The following CACNA2D3 variants were observed in gnomAD, a reference collection of about 807,000 sequenced individuals.
CACNA2D3 encodes calcium voltage-gated channel auxiliary subunit alpha2delta 3, also known as voltage-dependent calcium channel subunit alpha-2/delta-3.
Under a neutral mutation model 160.6 loss-of-function variants are expected in CACNA2D3, and 60 were observed. The ratio of observed to expected loss-of-function variants is 0.37; its 90% CI spans 0.30 to 0.46. CACNA2D3 has a LOEUF of 0.46. Among genes scored for constraint, CACNA2D3 ranks in the 20% least tolerant of loss-of-function variants. CACNA2D3 has a pLI of 1.00. For missense variants in CACNA2D3, 1,205 were observed against 1,365.0 expected (o/e 0.88, Z 1.85); for synonymous variants, 558 against 492.9 (o/e 1.13, Z -1.75).
At chr3:54,975,854 T>C (rs905013450) in intron 29 of CACNA2D3, among the ~76,000 whole-genome samples, 1 of 152,006 alleles carries the variant, frequency 6.6e-6, no homozygotes, top group Non-Finnish European at 1.5e-5. Context: ...ATAATTGGGG[T>C]TGATACCACT....
intron 2 of CACNA2D3, among the ~76,000 whole-genome samples, chr3:54,174,615 C>T (rs771932920): frequency 6.6e-6 from 1 of 152,204 alleles, no homozygotes; most frequent in Non-Finnish European, 1.5e-5. Context: ...AGCTCCGCCT[C>T]CCGGGTTCGC....
At chr3:54,970,474 A>T (rs1454763405) in intron 29 of CACNA2D3, among the ~76,000 whole-genome samples, 1 of 13,016 alleles carries the variant, frequency 7.7e-5, no homozygotes, top group Admixed American at 1.0e-3. Flanking sequence ...TCCGTTCCTC[A>T]CCCCTCTCCT....
chr3:54,164,577 C>T (rs1188713820), intron 2 of CACNA2D3, among the ~76,000 whole-genome samples: 1 of 152,232 alleles, frequency 6.6e-6, no homozygotes, highest in Non-Finnish European at 1.5e-5. Context: ...ACCTTTTCCT[C>T]TGATCCCTTT....
At chr3:54,535,975 A>C (rs916498961) in intron 5 of CACNA2D3, among the ~76,000 whole-genome samples, 1 of 152,246 alleles carries the variant, frequency 6.6e-6, no homozygotes, top group African/African-American at 2.4e-5. Flanking sequence ...TATCTGTTGG[A>C]AAATTAGAAG....
At chr3:54,820,803 T>A (rs1703572996) in intron 14 of CACNA2D3, among the ~76,000 whole-genome samples, 1 of 152,188 alleles carries the variant, frequency 6.6e-6, no homozygotes, top group African/African-American at 2.4e-5. Flanking sequence ...GATTTTATGA[T>A]AATAACATAG....
At chr3:54,681,207 C>T (rs1410917656) in intron 11 of CACNA2D3, among the ~76,000 whole-genome samples, 1 of 150,830 alleles carries the variant, frequency 6.6e-6, no homozygotes, top group African/African-American at 2.4e-5. Flanking sequence ...TCTATTATAC[C>T]ATGTCATCAT....
intron 2 of CACNA2D3, among the ~76,000 whole-genome samples, chr3:54,131,564 G>A (rs1301388706): frequency 6.6e-6 from 1 of 152,188 alleles, no homozygotes; most frequent in Admixed American, 6.5e-5. Flanking sequence ...GTGGCACCTG[G>A]GAAGCCTTGG....
chr3:54,856,023 C>T (rs1435053626), intron 17 of CACNA2D3, among the ~76,000 whole-genome samples: 1 of 152,156 alleles, frequency 6.6e-6, no homozygotes, highest in Non-Finnish European at 1.5e-5. Flanking sequence ...AGTCTGGGCT[C>T]CCCACGACAT....
At chr3:54,856,073 A>G (rs1028486029) in intron 17 of CACNA2D3, among the ~76,000 whole-genome samples, 2 of 152,232 alleles carry the variant, frequency 1.3e-5, no homozygotes, top group East Asian at 1.9e-4. Context: ...CTGTGCTGCA[A>G]GTAGCATGAA....
chr3:54,251,568 T>C (rs1269835629), intron 2 of CACNA2D3, among the ~76,000 whole-genome samples: 1 of 152,226 alleles, frequency 6.6e-6, no homozygotes, highest in African/African-American at 2.4e-5. Flanking sequence ...AGTGGGAATC[T>C]GAAATGTCAA....
intron 4 of CACNA2D3, among the ~76,000 whole-genome samples, chr3:54,460,718 C>A (rs370104028): frequency 6.6e-6 from 1 of 152,160 alleles, no homozygotes; most frequent in East Asian, 1.9e-4. Context: ...ATGTCATCTG[C>A]AAACAGGGAC....
chr3:54,862,080 C>G (rs1699303253), intron 17 of CACNA2D3, among the ~76,000 whole-genome samples: 1 of 152,104 alleles, frequency 6.6e-6, no homozygotes. Flanking sequence ...CAAGAACCAG[C>G]TCAGTTTGGT....
At chr3:54,596,453 G>A (rs1270986505) in intron 9 of CACNA2D3, among the ~76,000 whole-genome samples, 1 of 152,050 alleles carries the variant, frequency 6.6e-6, no homozygotes, top group Admixed American at 6.5e-5. Flanking sequence ...GTACCTAGAA[G>A]GGGATACATC....
intron 4 of CACNA2D3, among the ~76,000 whole-genome samples, chr3:54,467,145 A>G (rs1458455751): frequency 6.6e-6 from 1 of 151,462 alleles, no homozygotes; most frequent in Non-Finnish European, 1.5e-5. Flanking sequence ...GATACACATC[A>G]TTGCGTCAGA....
At chr3:54,590,092 G>T (rs1038918866) in intron 9 of CACNA2D3, among the ~76,000 whole-genome samples, 2 of 152,092 alleles carry the variant, frequency 1.3e-5, no homozygotes, top group Non-Finnish European at 2.9e-5. Flanking sequence ...TCACACAAAA[G>T]CCCCATACAG....
At chr3:54,354,181 G>A (rs1698610629) in intron 3 of CACNA2D3, among the ~76,000 whole-genome samples, 1 of 152,300 alleles carries the variant, frequency 6.6e-6, no homozygotes, top group African/African-American at 2.4e-5. Flanking sequence ...GAATTTGGAA[G>A]CGGAGGAATT....
intron 12 of CACNA2D3, among the ~76,000 whole-genome samples, chr3:54,756,610 G>A (rs939335198): frequency 2.6e-5 from 4 of 152,150 alleles, no homozygotes; most frequent in African/African-American, 9.7e-5. Context: ...GACCCAAGGA[G>A]CGTCGAAGGA....
chr3:54,165,453 A>T (rs1456752823), intron 2 of CACNA2D3, among the ~76,000 whole-genome samples: 1 of 151,940 alleles, frequency 6.6e-6, no homozygotes, highest in Non-Finnish European at 1.5e-5. Context: ...TGCTCCTTTG[A>T]TATTGGGACA....
At chr3:54,539,387 T>A (rs1701935531) in intron 5 of CACNA2D3, among the ~76,000 whole-genome samples, 1 of 152,252 alleles carries the variant, frequency 6.6e-6, no homozygotes, top group Non-Finnish European at 1.5e-5. Flanking sequence ...CTTATTCAAA[T>A]GCAGCCTAGT....
Sources: allele counts gnomAD v4.1 joint callset (sites outside exome capture counted in the v4.1 genomes callset), GRCh38; gene constraint gnomAD v4.1.1; transcripts MANE v1.5; gene names NCBI Gene and HGNC (gene_info 2026-07-23, HGNC 2026-07-21).